GPC6: variants seen among roughly 807,000 people sequenced by gnomAD.
GPC6 encodes glypican-6.
A neutral mutation model predicts 55.2 loss-of-function variants in GPC6; 14 were observed. The observed-to-expected ratio is 0.25, with a 90% CI of 0.17 to 0.40. GPC6 has a LOEUF of 0.40. Ranked by LOEUF, GPC6 falls within the 10% of genes least tolerant of loss-of-function variation. GPC6 has a pLI of 1.00. For missense variants in GPC6, 641 were observed against 708.5 expected, an observed-to-expected ratio of 0.90 and a Z score of 1.08; for synonymous variants, 278 against 259.6, an observed-to-expected ratio of 1.07 and a Z score of -0.68.
chr13:93,409,842 C>A (rs1886205), intron 1 of GPC6, among the ~76,000 whole-genome samples: 110,754 of 152,058 alleles, frequency 0.73, 40,608 homozygotes, highest in East Asian at 0.84. Flanking sequence ...GGGGCATTGA[C>A]ATTAATTGAA....
rs777992346 is a variant in GPC6 at position 93,227,567 on chromosome 13, C to A, written c.111C>A (p.Tyr37Ter). The A allele has an allele frequency of 6.2e-7, 1 of 1,612,486 alleles. No individual in the cohort carries two copies. Reference sequence around the variant, plus strand: ...GCTGCGGAGAGGTCCGCCAGGCGTACGGTGCCAAGGGATTCAGCCTGGCGG... The same window carrying A: ...GCTGCGGAGAGGTCCGCCAGGCGTAAGGTGCCAAGGGATTCAGCCTGGCGG... ...ARSCGEVRQAYGAKGFSLADI... is the reference protein window; with the variant it reads ...ARSCGEVRQA Residue 37 changes from tyrosine (Y) to a stop codon, truncating the protein, a stop_gained, in exon 1 of 9, where the codon TAC (tyrosine) becomes TAA (stop). Transcript: ENST00000377047. LOFTEE classifies it high-confidence loss of function. This position sits in a 1 kb window ranked among gnomAD's most constrained non-coding sequence, Gnocchi z 4.3.
intron 4 of GPC6, among the ~76,000 whole-genome samples, chr13:94,185,325 G>C (rs984064346): frequency 4.0e-5 from 6 of 151,184 alleles, no homozygotes; most frequent in African/African-American, 1.5e-4. Flanking sequence ...TAACATTCTG[G>C]ATTACCTGCT....
intron 4 of GPC6, among the ~76,000 whole-genome samples, chr13:94,138,019 A>G (rs1236533215): frequency 6.6e-6 from 1 of 152,220 alleles, no homozygotes; most frequent in African/African-American, 2.4e-5. Context: ...CATATTTAAG[A>G]GGCATTCTTG....
intron 1 of GPC6, among the ~76,000 whole-genome samples, chr13:93,318,689 T>C (rs1294998066): frequency 6.6e-6 from 1 of 151,104 alleles, no homozygotes; most frequent in Non-Finnish European, 1.5e-5. Context: ...CAGGGGGAGG[T>C]GCCAACAAGC....
At chr13:93,762,344 T>C (rs1290434340) in intron 2 of GPC6, among the ~76,000 whole-genome samples, 1 of 152,222 alleles carries the variant, frequency 6.6e-6, no homozygotes, top group Non-Finnish European at 1.5e-5. Flanking sequence ...GTTGATAGTG[T>C]ATTTCCTGAT....
intron 1 of GPC6, among the ~76,000 whole-genome samples, chr13:93,453,920 T>C (rs977127686): frequency 2.6e-5 from 4 of 152,150 alleles, no homozygotes; most frequent in Non-Finnish European, 4.4e-5. Flanking sequence ...TCCCGCAGCC[T>C]GCTTTTATTC....
chr13:94,045,091 T>C (rs1883682874), intron 4 of GPC6, among the ~76,000 whole-genome samples: 1 of 151,870 alleles, frequency 6.6e-6, no homozygotes, highest in Admixed American at 6.6e-5. Flanking sequence ...GGGAAACATT[T>C]TCATTGTTTC....
chr13:93,979,651 G>A (rs532734383), intron 3 of GPC6, among the ~76,000 whole-genome samples: 3 of 152,106 alleles, frequency 2.0e-5, no homozygotes, highest in South Asian at 2.1e-4. Context: ...TGAACTCAAC[G>A]CATTAAACAA....
intron 3 of GPC6, among the ~76,000 whole-genome samples, chr13:93,861,798 C>T (rs764765370): frequency 1.3e-5 from 2 of 151,686 alleles, no homozygotes; most frequent in African/African-American, 2.4e-5. Flanking sequence ...ACCCTCTGAC[C>T]TCTTTACTGG....
chr13:93,839,218 C>T (rs1410523594), intron 3 of GPC6, among the ~76,000 whole-genome samples: 3 of 152,068 alleles, frequency 2.0e-5, no homozygotes, highest in Non-Finnish European at 2.9e-5. Context: ...TTATCTTCCC[C>T]TACACATTCT....
At chr13:93,706,068 T>G (rs1347831210) in intron 2 of GPC6, among the ~76,000 whole-genome samples, 3 of 151,868 alleles carry the variant, frequency 2.0e-5, no homozygotes, top group African/African-American at 7.2e-5. Context: ...CTGTAAAGTT[T>G]GCCAGTAGAC....
intron 2 of GPC6, among the ~76,000 whole-genome samples, chr13:93,680,071 T>G (rs929638785): frequency 4.6e-5 from 7 of 152,196 alleles, no homozygotes; most frequent in Non-Finnish European, 1.0e-4. Context: ...TTAAAATTTG[T>G]ATGTTGAAGT....
intron 2 of GPC6, among the ~76,000 whole-genome samples, chr13:93,713,661 G>T (rs1425667315): frequency 6.6e-6 from 1 of 151,426 alleles, no homozygotes; most frequent in African/African-American, 2.4e-5. Context: ...TTCTGGAATT[G>T]ATTTAAAAAT....
chr13:93,568,276 A>T (rs1231300865), intron 2 of GPC6, among the ~76,000 whole-genome samples: 1 of 152,172 alleles, frequency 6.6e-6, no homozygotes, highest in Non-Finnish European at 1.5e-5. Context: ...GATTAATATT[A>T]AATCTTATTA....
chr13:94,257,352 C>A (rs1356163801), intron 4 of GPC6, among the ~76,000 whole-genome samples: 1 of 152,216 alleles, frequency 6.6e-6, no homozygotes. Context: ...AACAGCAAAT[C>A]TGTCAATCCA....
rs141904226 is a variant in GPC6 at position 93,453,951 on chromosome 13, A to G, written c.161-91312A>G. On this transcript the variant is annotated intron_variant, in intron 1 of 8. Coordinates refer to ENST00000377047, the MANE Select transcript of GPC6 (RefSeq NM_005708.5). ...TATTCTTTTATCTGGCCCCACCCACATCCTGCTGATTGGTAGAGCGGAGTG... is the reference window on the plus strand; with the variant it reads ...TATTCTTTTATCTGGCCCCACCCACGTCCTGCTGATTGGTAGAGCGGAGTG... Among the ~76,000 whole-genome samples, 1,436 of 152,194 alleles carry G rather than the reference A, an allele frequency of 9.4e-3. 23 individuals carry two copies. The highest frequency in any genetic ancestry group is 0.033 in the African/African-American group (1,367 of 41,524).
intron 2 of GPC6, among the ~76,000 whole-genome samples, chr13:93,671,935 G>C (rs1378894631): frequency 6.6e-6 from 1 of 151,978 alleles, no homozygotes; most frequent in African/African-American, 2.4e-5. Context: ...ATGACCTATG[G>C]ACATTGAATC....
At chr13:94,178,287 G>T (rs566267483) in intron 4 of GPC6, among the ~76,000 whole-genome samples, 3 of 152,112 alleles carry the variant, frequency 2.0e-5, no homozygotes. Context: ...ATGAGCCATC[G>T]CACCCGGCTG....
At chr13:93,553,572 G>A (rs141448871) in intron 2 of GPC6, among the ~76,000 whole-genome samples, 1 of 151,644 alleles carries the variant, frequency 6.6e-6, no homozygotes, top group Non-Finnish European at 1.5e-5. Flanking sequence ...GCATGCGCCT[G>A]TAATCCCAGC....
Sources: allele counts gnomAD v4.1 joint callset (sites outside exome capture counted in the v4.1 genomes callset), GRCh38; gene constraint gnomAD v4.1.1; non-coding constraint Gnocchi (gnomAD v3.1); transcripts MANE v1.5; gene names NCBI Gene and HGNC (gene_info 2026-07-23, HGNC 2026-07-21).